NRXN3: variants seen among roughly 807,000 people sequenced by gnomAD.
NRXN3 encodes the protein neurexin 3, also known as neurexin III.
Under a neutral mutation model 137.6 loss-of-function variants are expected in NRXN3, and 32 were observed. That is an observed-to-expected ratio of 0.23 (90% CI 0.18 to 0.31). The LOEUF is 0.31. NRXN3 is among the 10% of genes least tolerant of loss of function. The pLI is 1.00. For missense variants in NRXN3, 1,574 were observed against 2,062.5 expected (o/e 0.76, Z 4.59); for synonymous variants, 798 against 784.5 (o/e 1.02, Z -0.29).
At chr14:79,405,101 T>C (rs988601822) in intron 15 of NRXN3, among the ~76,000 whole-genome samples, 1 of 152,156 alleles carries the variant, frequency 6.6e-6, no homozygotes, top group Non-Finnish European at 1.5e-5. Flanking sequence ...GCCTGAAATA[T>C]TAACTCTGAC....
At chr14:79,718,232 A>G (rs572123218) in intron 19 of NRXN3, among the ~76,000 whole-genome samples, 1 of 152,294 alleles carries the variant, frequency 6.6e-6, no homozygotes, top group African/African-American at 2.4e-5. Flanking sequence ...TGGGGGAAGA[A>G]CATTTACAGC....
At chr14:79,547,256 A>C (rs2097329811) in intron 16 of NRXN3, among the ~76,000 whole-genome samples, 1 of 152,100 alleles carries the variant, frequency 6.6e-6, no homozygotes, top group African/African-American at 2.4e-5. Context: ...ATTGTGCAAT[A>C]ATCTTTTTCT....
intron 16 of NRXN3, among the ~76,000 whole-genome samples, chr14:79,499,705 AATTAGAG>A (rs2096800621): frequency 6.6e-6 from 1 of 152,160 alleles, no homozygotes; most frequent in African/African-American, 2.4e-5. Context: ...TCTAGATGAA[AATTAGAG>A]ATGATAACCG....
chr14:79,509,052 G>A (rs1416007387), intron 16 of NRXN3, among the ~76,000 whole-genome samples: 4 of 151,904 alleles, frequency 2.6e-5, no homozygotes, highest in Admixed American at 6.6e-5. Context: ...AAAATTAGCC[G>A]GTTCTGGTGG....
intron 4 of NRXN3, among the ~76,000 whole-genome samples, chr14:78,429,687 G>C (rs561239050): frequency 6.6e-6 from 1 of 152,152 alleles, no homozygotes. Context: ...TCCTGACCAA[G>C]CCCTGCTTTA....
At chr14:79,159,985 C>A (rs1417001974) in intron 15 of NRXN3, among the ~76,000 whole-genome samples, 1 of 151,848 alleles carries the variant, frequency 6.6e-6, no homozygotes, top group African/African-American at 2.4e-5. Context: ...GAAGACACAG[C>A]ATTACTCATT....
chr14:78,583,887 A>G (rs973101897), intron 4 of NRXN3, among the ~76,000 whole-genome samples: 1 of 152,154 alleles, frequency 6.6e-6, no homozygotes, highest in African/African-American at 2.4e-5. Flanking sequence ...CCTTCCAAAC[A>G]TAACATACTG....
At chr14:79,255,060 A>C (rs1257716598) in intron 15 of NRXN3, among the ~76,000 whole-genome samples, 1 of 152,220 alleles carries the variant, frequency 6.6e-6, no homozygotes, top group Non-Finnish European at 1.5e-5. Flanking sequence ...TCCTTCTTTC[A>C]TAACAGACCA....
chr14:78,261,956 A>C (rs2070801372), intron 2 of NRXN3, among the ~76,000 whole-genome samples: 1 of 152,098 alleles, frequency 6.6e-6, no homozygotes, highest in Non-Finnish European at 1.5e-5. Context: ...AAATGAGTGG[A>C]TTTTTTTTAT....
intron 19 of NRXN3, among the ~76,000 whole-genome samples, chr14:79,719,402 G>GTATATATGTGTGTGTA (rs1555660545): frequency 1.4e-5 from 2 of 142,278 alleles, no homozygotes; most frequent in Admixed American, 7.1e-5. Flanking sequence ...ATATATGTGT[G>GTATATATGTGTGTGTA]TATATATATA....
chr14:78,502,303 CT>C (rs2095894093), intron 4 of NRXN3, among the ~76,000 whole-genome samples: 1 of 152,172 alleles, frequency 6.6e-6, no homozygotes, highest in Non-Finnish European at 1.5e-5. Context: ...CTAGCAATAG[CT>C]TTGTTACATA....
At chr14:78,298,062 C>T (rs571447759) in intron 4 of NRXN3, among the ~76,000 whole-genome samples, 6 of 152,352 alleles carry the variant, frequency 3.9e-5, no homozygotes, top group African/African-American at 1.4e-4. Context: ...CCCTATTGTC[C>T]CCTTGGCTTC....
intron 15 of NRXN3, among the ~76,000 whole-genome samples, chr14:78,994,528 T>G (rs1408373598): frequency 1.3e-5 from 2 of 152,236 alleles, no homozygotes; most frequent in African/African-American, 2.4e-5. Flanking sequence ...TCTGGATTTA[T>G]TTCATTGAGT....
Position 78,693,765 on chromosome 14 carries a change from A to G in NRXN3, c.1222-15452A>G, listed in dbSNP as rs568225367. Among the ~76,000 whole-genome samples, 153 of 150,082 alleles carry G rather than the reference A, an allele frequency of 1.0e-3. 3 individuals are homozygous for G. In the Middle Eastern group the frequency reaches 0.017, roughly 17 times the overall value. ...TATGTGACCACCAGATTAATCTTTT[A>G]TATAATACCAACCTGACCTCGTCAC... On this transcript the variant is annotated intron_variant, in intron 6 of 20. Coordinates refer to ENST00000335750, the MANE Select transcript of NRXN3 (RefSeq NM_001330195.2).
chr14:78,263,354 A>G (rs1046392107), intron 2 of NRXN3, among the ~76,000 whole-genome samples: 1 of 152,092 alleles, frequency 6.6e-6, no homozygotes, highest in Non-Finnish European at 1.5e-5. Flanking sequence ...TGCAAATAGT[A>G]GCTCTGAGAC....
At chr14:79,273,640 A>C (rs2079774872) in intron 15 of NRXN3, among the ~76,000 whole-genome samples, 1 of 152,138 alleles carries the variant, frequency 6.6e-6, no homozygotes, top group East Asian at 1.9e-4. Context: ...TCTCAAAATA[A>C]ATAAATACAT....
At chr14:78,548,431 A>G (rs2096656486) in intron 4 of NRXN3, among the ~76,000 whole-genome samples, 1 of 152,200 alleles carries the variant, frequency 6.6e-6, no homozygotes, top group African/African-American at 2.4e-5. Flanking sequence ...GACTCTACCA[A>G]GTGGAACAAA....
intron 15 of NRXN3, among the ~76,000 whole-genome samples, chr14:79,219,507 A>T (rs1364591596): frequency 6.6e-6 from 1 of 152,142 alleles, no homozygotes; most frequent in Non-Finnish European, 1.5e-5. Context: ...TGTCATTAGC[A>T]TTGCTTTGGT....
chr14:78,751,262 T>G (rs2098640426), intron 8 of NRXN3, among the ~76,000 whole-genome samples: 1 of 152,172 alleles, frequency 6.6e-6, no homozygotes, highest in Non-Finnish European at 1.5e-5. Context: ...TAAAGGCAAT[T>G]CAGCTACCCT....
Sources: allele counts gnomAD v4.1 joint callset (sites outside exome capture counted in the v4.1 genomes callset), GRCh38; gene constraint gnomAD v4.1.1; transcripts MANE v1.5; gene names NCBI Gene and HGNC (gene_info 2026-07-23, HGNC 2026-07-21).